Variants in LRRC69 observed in about 807,000 individuals in gnomAD.
LRRC69 encodes the protein leucine-rich repeat-containing protein 69.
In LRRC69, 42 loss-of-function variants were observed where a neutral mutation model predicts 37.8. The ratio of observed to expected loss-of-function variants is 1.11; its 90% CI spans 0.87 to 1.44. LRRC69 has a LOEUF of 1.44. Among genes scored for constraint, LRRC69 ranks in the 40% most tolerant of loss-of-function variants. The probability of loss-of-function intolerance (pLI) is 0.00; values close to 1 mark genes in which losing one functional copy is unlikely to be tolerated. For synonymous variants in LRRC69, 141 were observed against 143.1 expected (o/e 0.99, Z 0.11); for missense variants, 357 against 401.9 (o/e 0.89, Z 0.96).
chr8:91,165,062 T>C (rs557240022), intron 5 of LRRC69, among the ~76,000 whole-genome samples: 2 of 151,724 alleles, frequency 1.3e-5, no homozygotes, highest in Middle Eastern at 6.8e-3. Flanking sequence ...GATGGGAAGG[T>C]TGGTGAATAG....
intron 4 of LRRC69, among the ~76,000 whole-genome samples, chr8:91,134,362 G>C (rs886150859): frequency 6.6e-6 from 1 of 151,684 alleles, no homozygotes; most frequent in Non-Finnish European, 1.5e-5. Context: ...GGGAGGTTGT[G>C]GTGGTGGCTG....
intron 5 of LRRC69, among the ~76,000 whole-genome samples, chr8:91,163,901 T>G (rs1254320510): frequency 6.6e-6 from 1 of 151,334 alleles, no homozygotes. Context: ...TCTTAGAGGA[T>G]AATGGAATAT....
chr8:91,176,134 A>ATATATTTTTTTTTTTTTT, intron 5 of LRRC69, among the ~76,000 whole-genome samples: 11 of 75,702 alleles, frequency 1.5e-4, no homozygotes, highest in African/African-American at 4.3e-4. Context: ...ATATATATAT[A>ATATATTTTTTTTTTTTTT]TTTTTTTTTT....
chr8:91,194,455 C>T (rs912032665), intron 6 of LRRC69, among the ~76,000 whole-genome samples: 23 of 151,944 alleles, frequency 1.5e-4, no homozygotes, highest in Admixed American at 5.9e-4. Flanking sequence ...TGGTAGAATT[C>T]GGCTGTGAAT....
At chr8:91,198,840 G>A (rs1281568672) in intron 6 of LRRC69, among the ~76,000 whole-genome samples, 1 of 152,060 alleles carries the variant, frequency 6.6e-6, no homozygotes, top group East Asian at 1.9e-4. Context: ...TATTGGTCAT[G>A]CCAATAGTAT....
intron 5 of LRRC69, among the ~76,000 whole-genome samples, chr8:91,184,662 CT>C (rs1809375895): frequency 6.6e-6 from 1 of 152,292 alleles, no homozygotes; most frequent in East Asian, 1.9e-4. Flanking sequence ...GTTATTGAAT[CT>C]TTGGGTCATA....
At chr8:91,181,978 A>G (rs1189367215) in intron 5 of LRRC69, among the ~76,000 whole-genome samples, 1 of 152,194 alleles carries the variant, frequency 6.6e-6, no homozygotes, top group Non-Finnish European at 1.5e-5. Flanking sequence ...TACATAAAAT[A>G]TGGAAAAATA....
Position 91,132,027 on chromosome 8 carries a change from C to T in LRRC69, c.384-1083C>T, listed in dbSNP as rs978287102. On this transcript the variant is annotated intron_variant, in intron 3 of 7. Coordinates refer to ENST00000448384, the Ensembl canonical transcript of LRRC69. ...GTATTCATATGGCTTCTACTATGTACGGAGAGATCTGTAGAATCCTCAAAA... is the reference window on the plus strand; with the variant it reads ...GTATTCATATGGCTTCTACTATGTATGGAGAGATCTGTAGAATCCTCAAAA... Among the ~76,000 whole-genome samples, 14 of 151,878 alleles carry T rather than the reference C, an allele frequency of 9.2e-5. 1 individual carries two copies. Among genetic ancestry groups the T allele is most frequent in the Admixed American group, 2.0e-4 (3 of 15,214 alleles).
At chr8:91,104,690 G>C (rs1271976134) in intron 1 of LRRC69, among the ~76,000 whole-genome samples, 1 of 151,864 alleles carries the variant, frequency 6.6e-6, no homozygotes, top group African/African-American at 2.4e-5. Flanking sequence ...CATTCCCTTT[G>C]TTGCTCTCTT....
At chr8:91,117,783 G>A (rs568964430) in intron 1 of LRRC69, among the ~76,000 whole-genome samples, 16 of 151,720 alleles carry the variant, frequency 1.1e-4, no homozygotes, top group African/African-American at 3.6e-4. Flanking sequence ...GTTGTCATCC[G>A]CCAGAGGGAG....
At chr8:91,182,500 T>G (rs951495286) in intron 5 of LRRC69, among the ~76,000 whole-genome samples, 1 of 152,248 alleles carries the variant, frequency 6.6e-6, no homozygotes, top group Admixed American at 6.5e-5. Flanking sequence ...CAGGTAATAC[T>G]AATTATTTAC....
At chr8:91,217,204 A>G (rs1307571387) in intron 7 of LRRC69, among the ~76,000 whole-genome samples, 1 of 152,126 alleles carries the variant, frequency 6.6e-6, no homozygotes, top group Admixed American at 6.6e-5. Flanking sequence ...CACTTTGCCT[A>G]ATGTGCAGAT....
At chr8:91,200,828 A>G (rs1231370097) in intron 7 of LRRC69, 36 bp downstream of exon 7, 5 of 1,478,104 alleles carry the variant, frequency 3.4e-6, no homozygotes, top group Non-Finnish European at 4.5e-6. Context: ...TGAGCATAAT[A>G]CTGATTCCTA....
chr8:91,169,948 A>C (rs1809098188), intron 5 of LRRC69, among the ~76,000 whole-genome samples: 1 of 103,982 alleles, frequency 9.6e-6, no homozygotes, highest in African/African-American at 4.0e-5. Flanking sequence ...GTTGGTTCCA[A>C]GTCTTTGCTA....
intron 1 of LRRC69, among the ~76,000 whole-genome samples, chr8:91,122,605 G>A (rs1813648298): frequency 6.6e-6 from 1 of 152,020 alleles, no homozygotes; most frequent in Admixed American, 6.6e-5. Flanking sequence ...ATGAAACTGT[G>A]GCAGGTTCAC....
At chr8:91,176,115 C>CATATATATAT (rs1220622429) in intron 5 of LRRC69, among the ~76,000 whole-genome samples, 1 of 102,334 alleles carries the variant, frequency 9.8e-6, no homozygotes, top group African/African-American at 4.1e-5. Context: ...CACCATCCCT[C>CATATATATAT]ATATATATAT....
intron 5 of LRRC69, among the ~76,000 whole-genome samples, chr8:91,142,440 T>A (rs757565283): frequency 2.0e-4 from 31 of 152,084 alleles, no homozygotes; most frequent in Non-Finnish European, 3.5e-4. Context: ...AATCTATTTG[T>A]TATTGAATAA....
intron 5 of LRRC69, among the ~76,000 whole-genome samples, chr8:91,146,189 C>T (rs1808615481): frequency 6.6e-6 from 1 of 151,528 alleles, no homozygotes; most frequent in African/African-American, 2.4e-5. Context: ...CGCTAGCTAC[C>T]CTTGGAAATT....
chr8:91,127,632 G>GTT (rs1586233301), intron 3 of LRRC69, among the ~76,000 whole-genome samples: 2 of 102,554 alleles, frequency 2.0e-5, no homozygotes, highest in East Asian at 5.4e-4. Flanking sequence ...AAAAAAAAAG[G>GTT]CTGTTTTTCC....
Sources: gnomAD v4.1 joint callset for allele counts (sites outside exome capture counted in the v4.1 genomes callset) on GRCh38, gnomAD v4.1.1 for gene constraint, MANE v1.5 for transcripts, NCBI Gene and HGNC (gene_info 2026-07-23, HGNC 2026-07-21) for gene names.